PEPD: variants seen among roughly 807,000 people sequenced by gnomAD.
The protein encoded by PEPD is xaa-Pro dipeptidase.
In PEPD, 53 loss-of-function variants were observed where a neutral mutation model predicts 60.7. That is an observed-to-expected ratio of 0.87 (90% CI 0.70 to 1.10). The LOEUF (loss-of-function observed/expected upper bound fraction) is 1.10, where lower values mean the gene tolerates loss of function less well. Ranked by LOEUF, PEPD falls within the 50% of genes least tolerant of loss-of-function variation. PEPD has a pLI of 0.00. For missense variants in PEPD, 711 were observed against 711.9 expected (o/e 1.00, Z 0.01); for synonymous variants, 267 against 284.1 (o/e 0.94, Z 0.60).
At chr19:33,403,305 C>A (rs1419640419) in intron 11 of PEPD, among the ~76,000 whole-genome samples, 1 of 152,192 alleles carries the variant, frequency 6.6e-6, no homozygotes, top group African/African-American at 2.4e-5. Context: ...TGGTCTAGCC[C>A]TAGGACCAGA....
At chr19:33,395,790 C>T (rs112162418) in intron 12 of PEPD, among the ~76,000 whole-genome samples, 3,298 of 152,354 alleles carry the variant, frequency 0.022, 133 homozygotes, top group African/African-American at 0.075. Context: ...TGGAACATGG[C>T]CCTCGGGATG....
chr19:33,431,801 T>C (rs1382016735), intron 9 of PEPD, among the ~76,000 whole-genome samples: 1 of 152,002 alleles, frequency 6.6e-6, no homozygotes, highest in East Asian at 1.9e-4. Context: ...AAGACCAGCC[T>C]GGCCAGTATG....
In PEPD at chr19:33,478,030, C is replaced by T. The variant is rs780015592; in HGVS notation, c.548+16G>A. ...GAGCACAACAAACAGGCAAGGTGAC[C>T]ACAGGCCGTACTCACCACTCAACGA... On this transcript the variant is annotated intron_variant, in intron 7 of 14. Transcript: ENST00000244137. The T allele has an allele frequency of 3.1e-6, 5 of 1,591,554 alleles. No individual in the cohort carries two copies. In the African/African-American group the frequency reaches 5.4e-5, roughly 17 times the overall value.
chr19:33,401,452 T>C (rs1968489182), intron 12 of PEPD, among the ~76,000 whole-genome samples: 1 of 152,126 alleles, frequency 6.6e-6, no homozygotes, highest in Non-Finnish European at 1.5e-5. Flanking sequence ...TAGTGGCCAG[T>C]GGAGATGCGC....
chr19:33,506,464 ACCC>A (rs1206284847), intron 3 of PEPD, among the ~76,000 whole-genome samples: 1 of 123,542 alleles, frequency 8.1e-6, no homozygotes, highest in Non-Finnish European at 1.7e-5. Context: ...CACCCACCAC[ACCC>A]CATCACAAAC....
rs772057956 is a variant in PEPD, at chr19:33,521,789, T to G, written c.-29A>C. 6.7e-7 allele frequency: 1 copy of G among 1,490,992 alleles called. No homozygotes were observed. The highest frequency in any genetic ancestry group is 9.0e-7 in the Non-Finnish European group (1 of 1,116,636). The allele number at this position is 1,490,992 out of a possible 1,614,324, so 92.4% of individuals were successfully genotyped here. A position where few individuals can be genotyped will look rare whatever the true frequency, so the allele number is the denominator to read the frequency against. On this transcript the variant is annotated 5_prime_UTR_variant, in exon 1 of 15. Coordinates refer to ENST00000244137, the MANE Select transcript of PEPD (RefSeq NM_000285.4). ...CGCCCGGCACCGGCGTCACGTGAAG[T>G]GCGGCGTCAGCTGAGCCCCTCCGGG...
chr19:33,411,794 G>A (rs767330292), intron 10 of PEPD, 45 bp from the exon 11 acceptor site: 2 of 1,222,206 alleles, frequency 1.6e-6, no homozygotes, highest in South Asian at 1.2e-5. Flanking sequence ...TTCTTCTGCA[G>A]CAGGCTCTGA....
At chr19:33,490,469 G>A (rs986886958) in intron 5 of PEPD, among the ~76,000 whole-genome samples, 2 of 152,156 alleles carry the variant, frequency 1.3e-5, no homozygotes, top group African/African-American at 4.8e-5. Flanking sequence ...ACATCCGAAA[G>A]AGTCCTGTCG....
chr19:33,466,529 C>T (rs1970019761), intron 7 of PEPD, among the ~76,000 whole-genome samples: 1 of 152,198 alleles, frequency 6.6e-6, no homozygotes, highest in Non-Finnish European at 1.5e-5. Context: ...GAAGAACAAG[C>T]TAACCACCAA....
chr19:33,399,691 G>A (rs955907808), intron 12 of PEPD, among the ~76,000 whole-genome samples: 5 of 152,222 alleles, frequency 3.3e-5, no homozygotes, highest in African/African-American at 1.2e-4. Context: ...GCAACGGGCT[G>A]TGGGGCCGCA....
chr19:33,457,732 G>T (rs1171429871), intron 9 of PEPD, among the ~76,000 whole-genome samples: 1 of 152,186 alleles, frequency 6.6e-6, no homozygotes. Flanking sequence ...GGATGGTCTC[G>T]ATCTCCTGAC....
At chr19:33,449,817 T>C (rs938188192) in intron 9 of PEPD, among the ~76,000 whole-genome samples, 3 of 152,108 alleles carry the variant, frequency 2.0e-5, no homozygotes, top group Non-Finnish European at 4.4e-5. Context: ...CTGAAACTGA[T>C]AAGGAAGCCA....
chr19:33,420,611 A>G (rs1968990954), intron 9 of PEPD, among the ~76,000 whole-genome samples: 3 of 152,232 alleles, frequency 2.0e-5, no homozygotes, highest in African/African-American at 7.2e-5. Flanking sequence ...CTGAGACAGG[A>G]GAATTGCTTG....
chr19:33,456,328 T>C (rs959369758), intron 9 of PEPD, among the ~76,000 whole-genome samples: 7 of 151,966 alleles, frequency 4.6e-5, no homozygotes, highest in African/African-American at 7.3e-5. Context: ...ACTAAGGAAT[T>C]CTCCACCCAA....
intron 6 of PEPD, among the ~76,000 whole-genome samples, 194 bp downstream of exon 6, chr19:33,489,802 G>A (rs1316319829): frequency 3.9e-5 from 6 of 152,054 alleles, no homozygotes; most frequent in South Asian, 2.1e-4. Context: ...AAACAGACAC[G>A]GGGCACCTTT....
At chr19:33,415,574 GCT>G (rs58299265) in intron 9 of PEPD, among the ~76,000 whole-genome samples, 1,605 of 152,236 alleles carry the variant, frequency 0.011, 33 homozygotes, top group African/African-American at 0.036. Flanking sequence ...AGGAAACTTG[GCT>G]CTCTCGCCTG....
intron 6 of PEPD, among the ~76,000 whole-genome samples, chr19:33,484,058 A>T (rs929260578): frequency 1.3e-5 from 2 of 152,178 alleles, no homozygotes; most frequent in East Asian, 3.9e-4. Context: ...AGGGGGTAAC[A>T]GCAGACTGAG....
intron 9 of PEPD, among the ~76,000 whole-genome samples, chr19:33,448,909 G>A (rs1290634195): frequency 2.0e-5 from 3 of 152,258 alleles, no homozygotes; most frequent in East Asian, 3.8e-4. Context: ...CGGAAACTGC[G>A]TGTGTACTGG....
At chr19:33,393,269 C>CGGGGTCT (rs1208531061) in intron 12 of PEPD, among the ~76,000 whole-genome samples, 4 of 137,964 alleles carry the variant, frequency 2.9e-5, no homozygotes, top group African/African-American at 8.4e-5. Context: ...GGGGAGGGCC[C>CGGGGTCT]GGGGTCTGGG....
Sources: gnomAD v4.1 joint callset for allele counts (sites outside exome capture counted in the v4.1 genomes callset) on GRCh38, gnomAD v4.1.1 for gene constraint, MANE v1.5 for transcripts, NCBI Gene and HGNC (gene_info 2026-07-23, HGNC 2026-07-21) for gene names.